Variants in ATP1B1 observed in about 807,000 individuals in gnomAD.
The protein encoded by ATP1B1 is ATPase Na+/K+ transporting subunit beta 1.
ATP1B1 carries 3 observed loss-of-function variants against 39.6 expected under a neutral mutation model. That is an observed-to-expected ratio of 0.08 (90% CI 0.03 to 0.20). The LOEUF (loss-of-function observed/expected upper bound fraction) is 0.20. Among genes scored for constraint, ATP1B1 ranks in the 10% least tolerant of loss-of-function variants. The probability of loss-of-function intolerance (pLI) is 1.00; values close to 1 mark genes in which losing one functional copy is unlikely to be tolerated. For missense variants in ATP1B1, 216 were observed against 371.1 expected (o/e 0.58, Z 3.43); for synonymous variants, 139 against 135.0 (o/e 1.03, Z -0.20).
At chr1:169,107,042 G>A in intron 1 of ATP1B1, 116 bp downstream of exon 1, 1 of 1,008,968 alleles carries the variant, frequency 9.9e-7, no homozygotes, top group Non-Finnish European at 1.4e-6. Context: ...GGGTGGCGGG[G>A]GCGAGGGTGG....
chr1:169,128,225 G>A (rs2000321), intron 4 of ATP1B1, among the ~76,000 whole-genome samples: 15,138 of 152,112 alleles, frequency 0.1, 994 homozygotes, highest in Admixed American at 0.2. Flanking sequence ...GTATATGAGC[G>A]TTGGCATTAT....
intron 4 of ATP1B1, among the ~76,000 whole-genome samples, chr1:169,127,913 T>C (rs1276892798): frequency 1.3e-5 from 2 of 152,196 alleles, no homozygotes; most frequent in Non-Finnish European, 2.9e-5. Flanking sequence ...ATATTTTTTC[T>C]GAATTTTATT....
At chr1:169,115,678 A>G (rs903317463) in intron 2 of ATP1B1, among the ~76,000 whole-genome samples, 2 of 152,198 alleles carry the variant, frequency 1.3e-5, no homozygotes, top group South Asian at 4.1e-4. Context: ...TCTTTCTACT[A>G]GAAGCAGCAG....
intron 2 of ATP1B1, among the ~76,000 whole-genome samples, chr1:169,112,155 TTTAA>T (rs1324421756): frequency 6.6e-6 from 1 of 152,214 alleles, no homozygotes; most frequent in East Asian, 1.9e-4. Flanking sequence ...CACTTTGTAG[TTTAA>T]TTAACTGTCT....
In ATP1B1 at chr1:169,132,279, C is replaced by T. The variant is rs574767137; in HGVS notation, c.*724C>T. On this transcript the variant is annotated 3_prime_UTR_variant, in exon 6 of 6. Coordinates refer to ENST00000367815, the MANE Select transcript of ATP1B1 (RefSeq NM_001677.4). The stretch of plus-strand genomic sequence containing the variant: ...TCTTGACATCTCTTGCCTTGTCCTC[C>T]GGTATGTTCTAAAGCTGTGTCTGAG... 4.5e-5 allele frequency: 26 copies of T among 577,466 alleles called. No individual in the cohort carries two copies. Among genetic ancestry groups the T allele is most frequent in the East Asian group, 3.1e-4 (10 of 32,454 alleles). The allele number at this position is 577,466 out of a possible 1,614,324, so 35.8% of individuals were successfully genotyped here.
intron 2 of ATP1B1, among the ~76,000 whole-genome samples, chr1:169,122,265 C>G (rs1159260248): frequency 6.6e-6 from 1 of 152,132 alleles, no homozygotes; most frequent in African/African-American, 2.4e-5. Flanking sequence ...TTTTGTTGAG[C>G]CTCTGGCTTT....
At chr1:169,111,662 G>A (rs1341687083) in intron 2 of ATP1B1, among the ~76,000 whole-genome samples, 164 bp downstream of exon 2, 1 of 152,202 alleles carries the variant, frequency 6.6e-6, no homozygotes, top group East Asian at 1.9e-4. Context: ...TGTCCTACCC[G>A]CATTGCAGGC....
chr1:169,113,314 C>T (rs956070769), intron 2 of ATP1B1, among the ~76,000 whole-genome samples: 3 of 152,138 alleles, frequency 2.0e-5, no homozygotes, highest in Non-Finnish European at 4.4e-5. Context: ...GATCCACCCA[C>T]TTCGGCCTCC....
chr1:169,108,506 C>T (rs1380070067), intron 1 of ATP1B1, among the ~76,000 whole-genome samples: 2 of 152,130 alleles, frequency 1.3e-5, no homozygotes, highest in Non-Finnish European at 2.9e-5. Flanking sequence ...GACCCTGCTG[C>T]GTCACAGGGG....
intron 3 of ATP1B1, among the ~76,000 whole-genome samples, chr1:169,126,448 G>GAATAAAATTTC: frequency 6.6e-6 from 1 of 152,258 alleles, no homozygotes; most frequent in Non-Finnish European, 1.5e-5. Flanking sequence ...AAAAATGCCA[G>GAATAAAATTTC]AATAAAATTT....
intron 1 of ATP1B1, among the ~76,000 whole-genome samples, chr1:169,107,711 T>C (rs1051506937): frequency 1.3e-5 from 2 of 152,052 alleles, no homozygotes; most frequent in African/African-American, 4.8e-5. Context: ...TAGACTTTTT[T>C]CCATCGAAAA....
At chr1:169,125,474 T>G (rs1658067507) in intron 3 of ATP1B1, among the ~76,000 whole-genome samples, 1 of 152,216 alleles carries the variant, frequency 6.6e-6, no homozygotes, top group Non-Finnish European at 1.5e-5. Context: ...TGAAGGAGGA[T>G]GTATGGTCAG....
chr1:169,119,592 A>T (rs1273528804), intron 2 of ATP1B1, among the ~76,000 whole-genome samples: 1 of 152,126 alleles, frequency 6.6e-6, no homozygotes, highest in Non-Finnish European at 1.5e-5. Context: ...GTGAAATATG[A>T]CTCATGAGAA....
At chr1:169,109,696 T>C (rs1041815627) in intron 1 of ATP1B1, among the ~76,000 whole-genome samples, 1 of 149,416 alleles carries the variant, frequency 6.7e-6, no homozygotes, top group Non-Finnish European at 1.5e-5. Flanking sequence ...GCATCTGGAG[T>C]CCAGGGAATG....
Position 169,131,702 on chromosome 1 carries a change from GT to G in ATP1B1, c.*149del. ...TACACTAGCTTTCTGCATTTAATAGGTTAGAATGTAAATTAAAGTGTAGCAA... is the reference window on the plus strand; with the variant it reads ...TACACTAGCTTTCTGCATTTAATAGGTAGAATGTAAATTAAAGTGTAGCAA... On this transcript the variant is annotated 3_prime_UTR_variant, in exon 6 of 6. Coordinates refer to ENST00000367815, the MANE Select transcript of ATP1B1 (RefSeq NM_001677.4). The surrounding 1 kb of genome is among the most constrained non-coding windows in gnomAD (Gnocchi z 4.4). 2 of 899,640 alleles carry G rather than the reference GT, an allele frequency of 2.2e-6. No homozygotes were observed. The highest frequency in any genetic ancestry group is 3.2e-6 in the Non-Finnish European group (2 of 619,312). 55.7% of individuals were successfully genotyped at this position (899,640 alleles called of 1,614,324 possible).
rs944601431 is a variant in ATP1B1 at position 169,106,732 on chromosome 1, G to A, written c.-98G>A. 19 of 968,124 alleles carry A rather than the reference G, an allele frequency of 2.0e-5. No individual in the cohort carries two copies. Among genetic ancestry groups the A allele is most frequent in the Middle Eastern group, 6.6e-4 (2 of 3,042 alleles). 60.0% of individuals were successfully genotyped at this position (968,124 alleles called of 1,614,324 possible). A position where few individuals can be genotyped will look rare whatever the true frequency, so the allele number is the denominator to read the frequency against. On this transcript the variant is annotated 5_prime_UTR_variant, in exon 1 of 6. Transcript: ENST00000367815. The stretch of plus-strand genomic sequence containing the variant: ...GGCAGCGGCGCGTCCTGCCTGCAGA[G>A]AGCCAGGCCGGAGAAGCCGAGCGGC...
chr1:169,109,068 G>A (rs1386744796), intron 1 of ATP1B1, among the ~76,000 whole-genome samples: 1 of 152,196 alleles, frequency 6.6e-6, no homozygotes, highest in South Asian at 2.1e-4. Context: ...CAAGATGGAC[G>A]CAGGAGACTC....
At chr1:169,119,222 A>T (rs1166489210) in intron 2 of ATP1B1, among the ~76,000 whole-genome samples, 3 of 152,226 alleles carry the variant, frequency 2.0e-5, no homozygotes, top group Non-Finnish European at 2.9e-5. Flanking sequence ...TGAAATACTC[A>T]TTGAAAACCA....
At chr1:169,125,183 T>TA (rs1557951721) in intron 3 of ATP1B1, 144 bp downstream of exon 3, 8 of 1,125,358 alleles carry the variant, frequency 7.1e-6, no homozygotes, top group Non-Finnish European at 9.9e-6. Flanking sequence ...ACACTTTTTT[T>TA]AAAAAAAGCA....
Sources: allele counts gnomAD v4.1 joint callset (sites outside exome capture counted in the v4.1 genomes callset), GRCh38; gene constraint gnomAD v4.1.1; non-coding constraint Gnocchi (gnomAD v3.1); transcripts MANE v1.5; gene names NCBI Gene and HGNC (gene_info 2026-07-23, HGNC 2026-07-21).